N4BP1: variants seen among roughly 807,000 people sequenced by gnomAD.
N4BP1 encodes NEDD4-binding protein 1.
N4BP1 carries 21 observed loss-of-function variants against 70.9 expected under a neutral mutation model. The observed-to-expected ratio is 0.30, with a 90% CI of 0.21 to 0.43. The LOEUF (loss-of-function observed/expected upper bound fraction) is 0.43. N4BP1 is among the 20% of genes least tolerant of loss of function. The probability of loss-of-function intolerance (pLI) is 1.00; values close to 1 mark genes in which losing one functional copy is unlikely to be tolerated. For missense variants in N4BP1, 936 were observed against 1,069.4 expected, an observed-to-expected ratio of 0.88 and a Z score of 1.74; for synonymous variants, 387 against 394.6, an observed-to-expected ratio of 0.98 and a Z score of 0.23.
chr16:48,560,237 A>AAG (rs1474759313), intron 2 of N4BP1, among the ~76,000 whole-genome samples: 1 of 152,236 alleles, frequency 6.6e-6, no homozygotes, highest in Non-Finnish European at 1.5e-5. Flanking sequence ...AACTTTTAGT[A>AAG]AGAGCAGAGG....
At chr16:48,597,525 C>A (rs946007492) in intron 1 of N4BP1, among the ~76,000 whole-genome samples, 2 of 152,158 alleles carry the variant, frequency 1.3e-5, no homozygotes, top group African/African-American at 4.8e-5. Context: ...AGAATTGCTT[C>A]GGATGTTTTT....
intron 6 of N4BP1, among the ~76,000 whole-genome samples, chr16:48,543,973 G>A (rs981049099): frequency 5.9e-5 from 9 of 152,170 alleles, no homozygotes; most frequent in Non-Finnish European, 8.8e-5. Flanking sequence ...GACAGACCCC[G>A]TGCCAGGTTG....
intron 1 of N4BP1, among the ~76,000 whole-genome samples, chr16:48,571,783 C>T (rs905446958): frequency 2.8e-4 from 42 of 152,096 alleles, no homozygotes; most frequent in African/African-American, 8.7e-4. Context: ...AACAAAGAAA[C>T]GGGAAAAATA....
At chr16:48,572,321 T>G (rs1005275521) in intron 1 of N4BP1, among the ~76,000 whole-genome samples, 5 of 152,086 alleles carry the variant, frequency 3.3e-5, no homozygotes, top group Admixed American at 1.3e-4. Context: ...ATGATTATTT[T>G]CAAAAGTCCC....
rs560526805 is a variant in N4BP1, at chr16:48,609,762, C to G, written c.198+13G>C. The G allele has an allele frequency of 7.4e-7, 1 of 1,347,580 alleles. No individual in the cohort carries two copies. The highest frequency in any genetic ancestry group is 1.7e-5 in the South Asian group (1 of 57,502). The allele number at this position is 1,347,580 out of a possible 1,614,324, so 83.5% of individuals were successfully genotyped here. On this transcript the variant is annotated intron_variant, in intron 1 of 6. Transcript: ENST00000262384. ...CGAGGCCGCGGGCGCGCGGGGGCGG[C>G]GGCCGGACTCACCTTGGCGCTGTGC...
At chr16:48,603,756 C>A (rs1964536402) in intron 1 of N4BP1, 1 of 152,134 alleles carries the variant, frequency 6.6e-6, no homozygotes, top group South Asian at 2.1e-4. Flanking sequence ...ATTACAACCT[C>A]CAGAATTCTC....
intron 3 of N4BP1, among the ~76,000 whole-genome samples, chr16:48,552,699 G>GAAAAAAAAAAAAAAAAAAAAA (rs71134556): frequency 5.4e-5 from 1 of 18,506 alleles, no homozygotes; most frequent in Non-Finnish European, 1.3e-4. Context: ...CTCCGTCTCA[G>GAAAAAAAAAAAAAAAAAAAAA]AAAAAAAAAA....
intron 1 of N4BP1, among the ~76,000 whole-genome samples, chr16:48,564,807 C>T (rs1202115955): frequency 6.6e-6 from 1 of 152,174 alleles, no homozygotes; most frequent in Non-Finnish European, 1.5e-5. Context: ...CCTGGTATTT[C>T]TCTCCATTTA....
intron 1 of N4BP1, among the ~76,000 whole-genome samples, chr16:48,602,509 C>A (rs1310339572): frequency 6.6e-6 from 1 of 152,054 alleles, no homozygotes; most frequent in Non-Finnish European, 1.5e-5. Flanking sequence ...TACCAGTATC[C>A]CTTATTTCAA....
In N4BP1 at chr16:48,595,595, C is replaced by T. The variant is rs972042500; in HGVS notation, c.198+14180G>A. 9.2e-5 allele frequency among the ~76,000 whole-genome samples: 14 copies of T among 151,724 alleles called. No individual in the cohort carries two copies. The South Asian group carries it at 2.7e-3, about 29-fold the overall frequency. On this transcript the variant is annotated intron_variant, in intron 1 of 6. Transcript: ENST00000262384. ...ACCTGGTTTCTCCAGAATTTGGAAACTATTTGTATTTTTAACTTATGGTGA... is the reference window on the plus strand; with the variant it reads ...ACCTGGTTTCTCCAGAATTTGGAAATTATTTGTATTTTTAACTTATGGTGA...
In N4BP1 at chr16:48,553,581, A is replaced by G; in HGVS notation, c.1978T>C (p.Phe660Leu). Residue 660 changes from phenylalanine to leucine, a missense_variant, in exon 3 of 7, where the codon TTT (phenylalanine) becomes CTT (leucine). This residue lies in a region of N4BP1 where 229 missense variants were observed against 343.5 expected (regional missense o/e 0.67). Transcript: ENST00000262384. Reference sequence around the variant, plus strand: ...CGCCTTGTTCTCCACTGAGGGACAAATACAGTGATGTTTCTGTTGCCAAGC... The same window carrying G: ...CGCCTTGTTCTCCACTGAGGGACAAGTACAGTGATGTTTCTGTTGCCAAGC... ...WKLGNRNITV[F>L]VPQWRTRRDP... The G allele has an allele frequency of 6.2e-7, 1 of 1,608,352 alleles. No individual in the cohort carries two copies. Among genetic ancestry groups the G allele is most frequent in the Non-Finnish European group, 8.5e-7 (1 of 1,177,742 alleles).
chr16:48,552,312 G>C (rs912744519), intron 3 of N4BP1, among the ~76,000 whole-genome samples: 2 of 152,036 alleles, frequency 1.3e-5, no homozygotes, highest in Non-Finnish European at 2.9e-5. Flanking sequence ...ATGGGAAAAA[G>C]CAGCTAAAAG....
At chr16:48,585,742 C>T (rs531122106) in intron 1 of N4BP1, among the ~76,000 whole-genome samples, 3 of 151,982 alleles carry the variant, frequency 2.0e-5, no homozygotes, top group East Asian at 3.9e-4. Flanking sequence ...GTTGCCCAAG[C>T]TGGCGTGCAG....
At chr16:48,565,853 T>C (rs1002262826) in intron 1 of N4BP1, among the ~76,000 whole-genome samples, 11 of 152,248 alleles carry the variant, frequency 7.2e-5, no homozygotes, top group African/African-American at 2.4e-4. Context: ...AAGTGAGTCA[T>C]GGCAGTTTGT....
chr16:48,594,001 C>CAAAAAAAAAAAAAAAAAAAAAAAAAA lies in N4BP1; in HGVS notation c.198+15773_198+15774insTTTTTTTTTTTTTTTTTTTTTTTTTT, dbSNP rs750355255. Among the ~76,000 whole-genome samples, 3 of 42,556 alleles carry CAAAAAAAAAAAAAAAAAAAAAAAAAA rather than the reference C, an allele frequency of 7.0e-5. 1 individual carries two copies. Among genetic ancestry groups the CAAAAAAAAAAAAAAAAAAAAAAAAAA allele is most frequent in the African/African-American group, 1.8e-4 (2 of 11,328 alleles). 27.9% of individuals were successfully genotyped at this position (42,556 alleles called of 152,430 possible). Reference sequence around the variant, plus strand: ...TGGGTGCCAGAGCAAGACTCCGTCTCAAAAAAAAAAAAAAAAACAAAAAAA... The same window carrying CAAAAAAAAAAAAAAAAAAAAAAAAAA: ...TGGGTGCCAGAGCAAGACTCCGTCTCAAAAAAAAAAAAAAAAAAAAAAAAAAAAAAAAAAAAAAAAAAACAAAAAAA... On this transcript the variant is annotated intron_variant, in intron 1 of 6. Coordinates refer to ENST00000262384, the MANE Select transcript of N4BP1 (RefSeq NM_153029.4).
intron 2 of N4BP1, 30 bp from the exon 3 acceptor site, chr16:48,553,699 A>G: frequency 6.6e-7 from 1 of 1,513,350 alleles, no homozygotes. Flanking sequence ...GAAAATAAGT[A>G]AAGTTTATTT....
intron 1 of N4BP1, among the ~76,000 whole-genome samples, chr16:48,568,071 C>T (rs890427779): frequency 1.9e-4 from 29 of 152,330 alleles, no homozygotes; most frequent in African/African-American, 6.7e-4. Flanking sequence ...CCTTCCCTTT[C>T]CCACAGAAGC....
intron 5 of N4BP1, among the ~76,000 whole-genome samples, chr16:48,547,619 T>TTTCCGC (rs1352434920): frequency 6.6e-6 from 1 of 152,268 alleles, no homozygotes; most frequent in Non-Finnish European, 1.5e-5. Context: ...CTTTCGGTCC[T>TTTCCGC]TTCCTCTTGC....
At position 48,603,179 on chromosome 16, in the gene N4BP1, A is replaced by G. The variant is rs371713173; in HGVS notation, c.198+6596T>C. On this transcript the variant is annotated intron_variant, in intron 1 of 6. Coordinates refer to ENST00000262384, the MANE Select transcript of N4BP1 (RefSeq NM_153029.4). ...ATAAATACATAAGTAAAAACTGGGA[A>G]AAGGTCAATTACTAGCTGTTCTTAA... Among the ~76,000 whole-genome samples, 224 of 152,314 alleles carry G rather than the reference A, an allele frequency of 1.5e-3. 1 individual carries two copies. The highest frequency in any genetic ancestry group is 2.9e-3 in the Admixed American group (44 of 15,294).
Sources: allele counts gnomAD v4.1 joint callset (sites outside exome capture counted in the v4.1 genomes callset), GRCh38; gene constraint gnomAD v4.1.1; regional missense constraint gnomAD v4.1.1; transcripts MANE v1.5; gene names NCBI Gene and HGNC (gene_info 2026-07-23, HGNC 2026-07-21).